GBE1: variants seen among roughly 807,000 people sequenced by gnomAD.
The protein encoded by GBE1 is 1,4-alpha-glucan-branching enzyme.
Under a neutral mutation model 88.8 loss-of-function variants are expected in GBE1, and 70 were observed. The ratio of observed to expected loss-of-function variants is 0.79; its 90% CI spans 0.65 to 0.96. The LOEUF is 0.96. Among genes scored for constraint, GBE1 ranks in the 40% least tolerant of loss-of-function variants. The pLI is 0.00. For synonymous variants in GBE1, 284 were observed against 300.1 expected, an observed-to-expected ratio of 0.95 and a Z score of 0.56; for missense variants, 872 against 871.0, an observed-to-expected ratio of 1.00 and a Z score of -0.01.
intron 12 of GBE1, among the ~76,000 whole-genome samples, chr3:81,573,753 TTC>T (rs1236091754): frequency 4.6e-4 from 63 of 137,012 alleles, no homozygotes; most frequent in Admixed American, 1.1e-3. Flanking sequence ...TCAATTTGCC[TTC>T]TCTCTCTCTC....
Position 81,593,188 on chromosome 3 carries a change from C to T in GBE1, c.1108+720G>A, listed in dbSNP as rs538094469. On this transcript the variant is annotated intron_variant, in intron 8 of 15. Coordinates refer to ENST00000429644, the MANE Select transcript of GBE1 (RefSeq NM_000158.4). ...GACCAACCTAGCCAACAGGGTGAAA[C>T]CCCGTCTCTATTAAAAAAATACAAA... Among the ~76,000 whole-genome samples the T allele has an allele frequency of 4.0e-5, 6 of 151,894 alleles. No individual in the cohort carries two copies. In the South Asian group the frequency reaches 1.2e-3, roughly 32 times the overall value.
intron 7 of GBE1, among the ~76,000 whole-genome samples, chr3:81,598,053 T>C (rs1220328367): frequency 1.3e-5 from 2 of 152,012 alleles, no homozygotes; most frequent in South Asian, 2.1e-4. Flanking sequence ...TAATGACATT[T>C]ATTTAATGAC....
intron 1 of GBE1, among the ~76,000 whole-genome samples, chr3:81,708,390 G>A (rs1008102355): frequency 4.6e-5 from 7 of 151,904 alleles, no homozygotes; most frequent in African/African-American, 1.7e-4. Flanking sequence ...AAGAGATCAT[G>A]GAAAATGAAA....
At chr3:81,528,929 G>T (rs185212359) in intron 14 of GBE1, among the ~76,000 whole-genome samples, 2 of 152,052 alleles carry the variant, frequency 1.3e-5, no homozygotes, top group African/African-American at 4.8e-5. Flanking sequence ...TATCCATTAA[G>T]GTACTCTGTT....
rs186377282 is a variant in GBE1 at position 81,733,660 on chromosome 3, C to A, written c.143+27715G>T. Among the ~76,000 whole-genome samples, 1 of 152,122 alleles carries A rather than the reference C, an allele frequency of 6.6e-6. No homozygotes were observed. The highest frequency in any genetic ancestry group is 2.4e-5 in the African/African-American group (1 of 41,432). On this transcript the variant is annotated intron_variant, in intron 1 of 15. Coordinates refer to ENST00000429644, the MANE Select transcript of GBE1 (RefSeq NM_000158.4). This position sits in a 1 kb window ranked among gnomAD's most constrained non-coding sequence, Gnocchi z 4.0. ...TCTCAATAGTTCCTAACCTGAAATA[C>A]GCCTATTTAAAACTGCCCCTCCACA...
rs968901542 is a variant in GBE1 at position 81,541,474 on chromosome 3, T to G, written c.1619-4379A>C. On this transcript the variant is annotated intron_variant, in intron 12 of 15. Coordinates refer to ENST00000429644, the MANE Select transcript of GBE1 (RefSeq NM_000158.4). ...TGCCCCCCCCGCCACCTCGCCCAAA[T>G]TCATATGTTGAAATATTAACTCTTA... 3.5e-5 allele frequency among the ~76,000 whole-genome samples: 5 copies of G among 141,668 alleles called. No individual in the cohort carries two copies. In the Admixed American group the frequency reaches 3.5e-4, roughly 10 times the overall value. The allele number at this position is 141,668 out of a possible 152,430, so 92.9% of individuals were successfully genotyped here. A position where few individuals can be genotyped will look rare whatever the true frequency, so the allele number is the denominator to read the frequency against.
chr3:81,646,496 T>C lies in GBE1; in HGVS notation c.692-14A>G. ...TGCAGTTGTATCCTATATAAGGCAA[T>C]GGTCAAATCTAAATTAAAAGCCACA... On this transcript the variant is annotated splice_polypyrimidine_tract_variant and intron_variant, in intron 5 of 15. Coordinates refer to ENST00000429644, the MANE Select transcript of GBE1 (RefSeq NM_000158.4). The C allele has an allele frequency of 7.1e-7, 1 of 1,407,406 alleles. No individual in the cohort carries two copies. The highest frequency in any genetic ancestry group is 9.8e-7 in the Non-Finnish European group (1 of 1,024,980). 87.2% of individuals were successfully genotyped at this position (1,407,406 alleles called of 1,614,324 possible). A position where few individuals can be genotyped will look rare whatever the true frequency, so the allele number is the denominator to read the frequency against.
intron 1 of GBE1, among the ~76,000 whole-genome samples, chr3:81,737,192 G>A (rs1411352028): frequency 1.3e-5 from 2 of 149,232 alleles, no homozygotes; most frequent in African/African-American, 4.9e-5. Flanking sequence ...AAATCAGAAG[G>A]CCAGAGAAAT....
At chr3:81,553,675 A>G (rs1703308001) in intron 12 of GBE1, among the ~76,000 whole-genome samples, 1 of 119,022 alleles carries the variant, frequency 8.4e-6, no homozygotes, top group Admixed American at 8.3e-5. Context: ...ATGGGTTTCT[A>G]TGAGAGCCAT....
At chr3:81,664,005 G>T (rs1173063868) in intron 3 of GBE1, among the ~76,000 whole-genome samples, 1 of 151,884 alleles carries the variant, frequency 6.6e-6, no homozygotes, top group Admixed American at 6.5e-5. Context: ...CATAAAAAGG[G>T]GCTGTGCATA....
rs552599632 is a variant in GBE1, at chr3:81,537,991, T to C, written c.1619-896A>G. 6.3e-4 allele frequency among the ~76,000 whole-genome samples: 96 copies of C among 152,100 alleles called. 1 individual carries two copies. The highest frequency in any genetic ancestry group is 4.4e-4 in the Non-Finnish European group (30 of 67,948). On this transcript the variant is annotated intron_variant, in intron 12 of 15. Transcript: ENST00000429644. ...ATTAGTCATCTAACCGATTGGTTTT[T>C]ATTGTTACCCTTAAGTTCAATTTCT... is the stretch of plus-strand genomic sequence containing the variant.
chr3:81,759,064 T>C (rs917143018), intron 1 of GBE1, among the ~76,000 whole-genome samples: 1 of 152,220 alleles, frequency 6.6e-6, no homozygotes, highest in African/African-American at 2.4e-5. Context: ...ACTTTCACCT[T>C]CTGCCATGAT....
At chr3:81,505,447 C>G (rs560909495) in intron 14 of GBE1, among the ~76,000 whole-genome samples, 11 of 152,322 alleles carry the variant, frequency 7.2e-5, no homozygotes, top group African/African-American at 2.6e-4. Context: ...TGTTCCAACA[C>G]AATCCTTCCC....
chr3:81,516,144 G>A (rs1430202894), intron 14 of GBE1, among the ~76,000 whole-genome samples: 2 of 151,570 alleles, frequency 1.3e-5, no homozygotes, highest in Non-Finnish European at 3.0e-5. Flanking sequence ...ATGCCATCTG[G>A]GACTTTCATA....
intron 6 of GBE1, among the ~76,000 whole-genome samples, chr3:81,645,646 C>T (rs971999188): frequency 3.3e-5 from 5 of 152,102 alleles, no homozygotes; most frequent in Non-Finnish European, 2.9e-5. Context: ...TGGAATGTCA[C>T]CTATTTACGC....
intron 3 of GBE1, among the ~76,000 whole-genome samples, chr3:81,665,403 G>A (rs913783280): frequency 6.6e-6 from 1 of 152,036 alleles, no homozygotes; most frequent in African/African-American, 2.4e-5. Flanking sequence ...GGGCGTGGTG[G>A]CGGGCGCCTG....
intron 1 of GBE1, among the ~76,000 whole-genome samples, chr3:81,756,649 C>T (rs1022928156): frequency 4.6e-5 from 7 of 152,110 alleles, no homozygotes; most frequent in African/African-American, 1.2e-4. Context: ...CCTCAACCAG[C>T]CCAGAAGAAG....
At chr3:81,561,059 G>A (rs979686393) in intron 12 of GBE1, among the ~76,000 whole-genome samples, 2 of 151,764 alleles carry the variant, frequency 1.3e-5, no homozygotes, top group Non-Finnish European at 2.9e-5. Context: ...GGCAATTTTT[G>A]CTGTATTACA....
chr3:81,568,350 G>A (rs9833112), intron 12 of GBE1, among the ~76,000 whole-genome samples: 23,851 of 152,080 alleles, frequency 0.16, 1,982 homozygotes, highest in Non-Finnish European at 0.21. Context: ...GTTTCATCAC[G>A]CTGGCCAGGC....
Sources: allele counts gnomAD v4.1 joint callset (sites outside exome capture counted in the v4.1 genomes callset), GRCh38; gene constraint gnomAD v4.1.1; non-coding constraint Gnocchi (gnomAD v3.1); transcripts MANE v1.5; gene names NCBI Gene and HGNC (gene_info 2026-07-23, HGNC 2026-07-21).